The following PTTG1IP2 variants were observed in gnomAD, a reference collection of about 807,000 sequenced individuals.
The protein encoded by PTTG1IP2 is PTTG1IP family member 2.
chr7:90,505,940 C>T (rs1798118189), intron 6 of PTTG1IP2, among the ~76,000 whole-genome samples: 1 of 143,838 alleles, frequency 7.0e-6, no homozygotes, highest in Non-Finnish European at 1.5e-5. Flanking sequence ...GCCGAGATTC[C>T]GCCACTGCAG....
At chr7:90,476,737 C>A (rs1797752009) in intron 1 of PTTG1IP2, among the ~76,000 whole-genome samples, 1 of 152,030 alleles carries the variant, frequency 6.6e-6, no homozygotes, top group Non-Finnish European at 1.5e-5. Context: ...TGACATATGA[C>A]AAACCTTTAT....
chr7:90,511,337 A>G (rs1202719627), intron 6 of PTTG1IP2, among the ~76,000 whole-genome samples: 1 of 152,228 alleles, frequency 6.6e-6, no homozygotes, highest in Non-Finnish European at 1.5e-5. Context: ...TAATTTTCAC[A>G]GTAACTTTTA....
intron 5 of PTTG1IP2, 149 bp downstream of exon 5, chr7:90,492,458 G>A (rs1797949442): frequency 6.6e-6 from 1 of 152,176 alleles, no homozygotes; most frequent in Non-Finnish European, 1.5e-5. Context: ...GGCCAAGGTG[G>A]GAGGATTTGC....
chr7:90,475,698 C>T (rs17865479), intron 1 of PTTG1IP2, among the ~76,000 whole-genome samples: 61 of 152,246 alleles, frequency 4.0e-4, no homozygotes, highest in African/African-American at 1.2e-3. Flanking sequence ...TGGTGGCTCA[C>T]GCCTGTAATC....
chr7:90,488,029 T>C (rs1797895675), intron 3 of PTTG1IP2, among the ~76,000 whole-genome samples: 1 of 152,160 alleles, frequency 6.6e-6, no homozygotes, highest in African/African-American at 2.4e-5. Flanking sequence ...TAAGTTATAC[T>C]GAAATGTTGG....
intron 6 of PTTG1IP2, among the ~76,000 whole-genome samples, chr7:90,501,361 A>G (rs1798059130): frequency 6.6e-6 from 1 of 152,218 alleles, no homozygotes; most frequent in Admixed American, 6.5e-5. Context: ...CTAAAAAACA[A>G]CATACATACC....
At chr7:90,500,003 C>T (rs531430951) in intron 6 of PTTG1IP2, among the ~76,000 whole-genome samples, 13 of 152,252 alleles carry the variant, frequency 8.5e-5, no homozygotes, top group Admixed American at 3.3e-4. Context: ...CACTTGAGAT[C>T]AGGAGTTCAA....
At chr7:90,488,154 A>G (rs1797897626) in intron 3 of PTTG1IP2, among the ~76,000 whole-genome samples, 1 of 152,074 alleles carries the variant, frequency 6.6e-6, no homozygotes, top group Admixed American at 6.5e-5. Flanking sequence ...TAGCTATGTG[A>G]AAAAACCCAA....
chr7:90,506,531 C>G (rs1798126634), intron 6 of PTTG1IP2, among the ~76,000 whole-genome samples: 1 of 151,994 alleles, frequency 6.6e-6, no homozygotes, highest in African/African-American at 2.4e-5. Context: ...GGGAGGCCAA[C>G]AAGGGAGGAC....
chr7:90,492,481 A>G (rs1257623109), intron 5 of PTTG1IP2, among the ~76,000 whole-genome samples, 172 bp downstream of exon 5: 1 of 152,158 alleles, frequency 6.6e-6, no homozygotes, highest in Non-Finnish European at 1.5e-5. Context: ...GAGGCTAGAA[A>G]TTTGAGGTTA....
intron 4 of PTTG1IP2, among the ~76,000 whole-genome samples, chr7:90,490,186 T>C (rs1797921775): frequency 6.6e-6 from 1 of 151,968 alleles, no homozygotes; most frequent in African/African-American, 2.4e-5. Flanking sequence ...CTCAAGTAAA[T>C]TTTTCAAAGG....
intron 2 of PTTG1IP2, among the ~76,000 whole-genome samples, chr7:90,485,369 C>G (rs962758914): frequency 5.3e-5 from 8 of 152,164 alleles, no homozygotes; most frequent in African/African-American, 1.4e-4. Flanking sequence ...GCCCCCAGCT[C>G]TAAGTCTGAA....
At chr7:90,481,163 A>G (rs1797811407) in intron 2 of PTTG1IP2, among the ~76,000 whole-genome samples, 1 of 152,092 alleles carries the variant, frequency 6.6e-6, no homozygotes, top group African/African-American at 2.4e-5. Flanking sequence ...AAAAACCACT[A>G]CTTTAATGGC....
At chr7:90,471,725 GAGAGAA>G (rs1797689692) in intron 1 of PTTG1IP2, among the ~76,000 whole-genome samples, 1 of 152,168 alleles carries the variant, frequency 6.6e-6, no homozygotes, top group South Asian at 2.1e-4. Flanking sequence ...CCCAAATCTG[GAGAGAA>G]ACAAGTTGAG....
chr7:90,500,248 A>G (rs1044534341), intron 6 of PTTG1IP2, among the ~76,000 whole-genome samples: 3 of 152,152 alleles, frequency 2.0e-5, no homozygotes, highest in African/African-American at 7.2e-5. Context: ...ATTCATCCTG[A>G]TAATCCAAAA....
At chr7:90,481,206 T>A (rs1217424540) in intron 2 of PTTG1IP2, among the ~76,000 whole-genome samples, 1 of 152,134 alleles carries the variant, frequency 6.6e-6, no homozygotes, top group Non-Finnish European at 1.5e-5. Context: ...GAAATTTTAT[T>A]TTTTGTGGGT....
At chr7:90,474,073 T>C (rs1797719472) in intron 1 of PTTG1IP2, among the ~76,000 whole-genome samples, 1 of 152,122 alleles carries the variant, frequency 6.6e-6, no homozygotes, top group Non-Finnish European at 1.5e-5. Flanking sequence ...TGTCATAGAG[T>C]GTACTTACAC....
At chr7:90,504,589 A>C (rs140353593) in intron 6 of PTTG1IP2, among the ~76,000 whole-genome samples, 5 of 152,310 alleles carry the variant, frequency 3.3e-5, no homozygotes, top group African/African-American at 1.2e-4. Context: ...TATTTACAAA[A>C]GCATTCAGAG....
At chr7:90,499,754 T>C (rs1293605205) in intron 6 of PTTG1IP2, among the ~76,000 whole-genome samples, 1 of 152,012 alleles carries the variant, frequency 6.6e-6, no homozygotes, top group Non-Finnish European at 1.5e-5. Flanking sequence ...TGGCTAATTT[T>C]TGTGTTTTTA....
Sources: allele counts gnomAD v4.1 joint callset (sites outside exome capture counted in the v4.1 genomes callset), GRCh38; gene constraint gnomAD v4.1.1; transcripts MANE v1.5; gene names NCBI Gene and HGNC (gene_info 2026-07-23, HGNC 2026-07-21).